Variants in ITGAM observed in about 807,000 individuals in gnomAD.
ITGAM encodes the protein integrin subunit alpha M.
In ITGAM, 79 loss-of-function variants were observed where a neutral mutation model predicts 137.5. The observed-to-expected ratio is 0.57, with a 90% confidence interval of 0.48 to 0.69. The LOEUF (loss-of-function observed/expected upper bound fraction) is 0.69. ITGAM is among the 30% of genes least tolerant of loss of function. The pLI is 0.00. For missense variants in ITGAM, 1,343 were observed against 1,483.5 expected (o/e 0.91, Z 1.56); for synonymous variants, 583 against 592.3 (o/e 0.98, Z 0.23).
At chr16:31,300,213 G>T (rs542675855) in intron 14 of ITGAM, among the ~76,000 whole-genome samples, 1 of 152,238 alleles carries the variant, frequency 6.6e-6, no homozygotes, top group East Asian at 1.9e-4. Context: ...TTCACATCCT[G>T]GCTATTGTGA....
At chr16:31,317,764 G>A (rs1204677513) in intron 14 of ITGAM, among the ~76,000 whole-genome samples, 2 of 152,128 alleles carry the variant, frequency 1.3e-5, no homozygotes, top group Non-Finnish European at 2.9e-5. Flanking sequence ...CAGGAATAAA[G>A]CCCACATGGT....
At chr16:31,296,979 C>G (rs759204410) in intron 12 of ITGAM, among the ~76,000 whole-genome samples, 113 of 152,188 alleles carry the variant, frequency 7.4e-4, no homozygotes, top group Middle Eastern at 3.4e-3. Context: ...CTTTTTACCT[C>G]CCTAAAGATT....
At chr16:31,273,640 A>G in intron 8 of ITGAM, 122 bp downstream of exon 8, 1 of 899,764 alleles carries the variant, frequency 1.1e-6, no homozygotes, top group Non-Finnish European at 1.7e-6. Context: ...TAGCTCATAT[A>G]CACCGTATCA....
chr16:31,278,718 G>A lies in ITGAM; in HGVS notation c.1356+609G>A, dbSNP rs570857310. The stretch of plus-strand genomic sequence containing the variant: ...TGAAATAGGACTGCACCCATGATAT[G>A]GTGCCTATAGTTCTTTATTTTATTT... On this transcript the variant is annotated intron_variant, in intron 12 of 29. Coordinates refer to ENST00000544665, the MANE Select transcript of ITGAM (RefSeq NM_000632.4). Among the ~76,000 whole-genome samples, 21 of 152,224 alleles carry A rather than the reference G, an allele frequency of 1.4e-4. No individual in the cohort carries two copies. In the South Asian group the frequency reaches 4.2e-3, roughly 30 times the overall value.
intron 3 of ITGAM, 147 bp from the exon 4 acceptor site, chr16:31,265,662 CCT>C (rs1470217325): frequency 3.9e-6 from 3 of 775,530 alleles, no homozygotes; most frequent in South Asian, 1.8e-5. Context: ...CCAGGCAACC[CCT>C]CTGTGTTCCT....
intron 12 of ITGAM, among the ~76,000 whole-genome samples, chr16:31,287,686 TTG>T (rs2080043105): frequency 6.6e-6 from 1 of 152,218 alleles, no homozygotes; most frequent in South Asian, 2.1e-4. Flanking sequence ...AATTAATGCA[TTG>T]TATGGGGATG....
chr16:31,266,149 TG>T lies in ITGAM; in HGVS notation c.427+5del. On this transcript the variant is annotated splice_donor_region_variant and intron_variant, in intron 5 of 29. Coordinates refer to ENST00000544665, the MANE Select transcript of ITGAM (RefSeq NM_000632.4). ...AGAAGTTCCCAGAGGCCCTCCGAGG[TG>T]GGTTGCCTTTGGCAGAGGGAACAGA... The T allele has an allele frequency of 1.2e-6, 2 of 1,608,192 alleles. No homozygotes were observed. Among genetic ancestry groups the T allele is most frequent in the South Asian group, 1.1e-5 (1 of 90,918 alleles).
intron 22 of ITGAM, 90 bp downstream of exon 22, chr16:31,327,025 G>A (rs2080515614): frequency 1.1e-6 from 1 of 948,038 alleles, no homozygotes; most frequent in Non-Finnish European, 1.7e-6. Context: ...TTGCCCACTG[G>A]TTCTCCCTTC....
chr16:31,266,024 C>T lies in ITGAM; in HGVS notation c.310-6C>T. The T allele has an allele frequency of 1.2e-6, 2 of 1,612,080 alleles. No individual in the cohort carries two copies. Among genetic ancestry groups the T allele is most frequent in the South Asian group, 1.1e-5 (1 of 91,034 alleles). On this transcript the variant is annotated splice_region_variant and splice_polypyrimidine_tract_variant and intron_variant, in intron 4 of 29. Transcript: ENST00000544665. Reference sequence around the variant, plus strand: ...GCAGCCCCTTCCACTGGCTCCTGTCCCCTAGGCCTGTGGTCCCACCGTGCA... The same window carrying T: ...GCAGCCCCTTCCACTGGCTCCTGTCTCCTAGGCCTGTGGTCCCACCGTGCA...
chr16:31,276,771 G>C (rs999506280), intron 10 of ITGAM, 27 bp downstream of exon 10: 34 of 1,591,572 alleles, frequency 2.1e-5, no homozygotes, highest in Non-Finnish European at 2.8e-5. Flanking sequence ...TAAATTGCGG[G>C]GGTGGGGCAG....
intron 12 of ITGAM, among the ~76,000 whole-genome samples, chr16:31,284,270 T>A (rs2080003246): frequency 6.6e-6 from 1 of 152,200 alleles, no homozygotes; most frequent in Non-Finnish European, 1.5e-5. Context: ...ACAGGGACAT[T>A]TAAGTCTGCA....
intron 2 of ITGAM, among the ~76,000 whole-genome samples, chr16:31,263,665 C>CTT (rs74413197): frequency 5.4e-4 from 68 of 125,854 alleles, no homozygotes; most frequent in East Asian, 1.9e-3. Context: ...ATTTTTCTTT[C>CTT]TTTTTTTTTT....
At chr16:31,329,767 C>T (rs1000278079) in intron 24 of ITGAM, 31 bp from the exon 25 acceptor site, 1 of 1,533,836 alleles carries the variant, frequency 6.5e-7, no homozygotes, top group Non-Finnish European at 8.8e-7. Flanking sequence ...GGAGGAAGGC[C>T]AGAGCCCTGA....
At position 31,270,743 on chromosome 16, in the gene ITGAM, A is replaced by ATAT. The variant is rs1475429642; in HGVS notation, c.428-210_428-209insATT. Reference sequence around the variant, plus strand: ...TATATATATATATATATATATATATATGTTTTTAACGTGTGTATACATATA... The same window carrying ATAT: ...TATATATATATATATATATATATATATATTGTTTTTAACGTGTGTATACATATA... On this transcript the variant is annotated intron_variant, in intron 5 of 29. Transcript: ENST00000544665. 1.5e-3 allele frequency among the ~76,000 whole-genome samples: 154 copies of ATAT among 106,196 alleles called. 2 individuals carry two copies. Among genetic ancestry groups the ATAT allele is most frequent in the Middle Eastern group, 4.8e-3 (1 of 208 alleles). 69.7% of individuals were successfully genotyped at this position (106,196 alleles called of 152,430 possible).
intron 14 of ITGAM, among the ~76,000 whole-genome samples, chr16:31,298,463 A>G (rs531118218): frequency 5.9e-5 from 9 of 152,176 alleles, no homozygotes; most frequent in Non-Finnish European, 1.3e-4. Context: ...TTCTACAGCA[A>G]TAGGAGGTGC....
At chr16:31,262,354 T>TCCTA (rs2079712671) in intron 2 of ITGAM, among the ~76,000 whole-genome samples, 1 of 113,396 alleles carries the variant, frequency 8.8e-6, no homozygotes, top group Non-Finnish European at 1.9e-5. Flanking sequence ...CTTCCTTCCT[T>TCCTA]CCTTCCTTCC....
In ITGAM at chr16:31,330,376, C is replaced by A. The variant is rs756051605; in HGVS notation, c.3129C>A (p.Phe1043Leu). ...DIPFFGIQEE[F>L]NATLKGNLSF... ...CGTTCTTTGGCATCCAGGAAGAATT[C>A]AATGCTACCCTCAAAGGCAACCTCT... The change falls in exon 27 of 30, where the codon TTC becomes TTA. Residue 1043 changes from phenylalanine to leucine, a missense_variant. Coordinates refer to ENST00000544665, the MANE Select transcript of ITGAM (RefSeq NM_000632.4). The A allele has an allele frequency of 1.2e-6, 2 of 1,613,998 alleles. No homozygotes were observed. Among genetic ancestry groups the A allele is most frequent in the Non-Finnish European group, 8.5e-7 (1 of 1,179,854 alleles).
Position 31,330,611 on chromosome 16 carries a change from T to C in ITGAM, c.3276+6T>C. ...GGGCGTTTGTGAGGTCCCAGGTACC[T>C]GTCTTGGGCGCTGAGGAACTATTGG... On this transcript the variant is annotated splice_donor_region_variant and intron_variant, in intron 28 of 29. Transcript: ENST00000544665. The C allele has an allele frequency of 6.3e-7, 1 of 1,590,694 alleles. No homozygotes were observed. Among genetic ancestry groups the C allele is most frequent in the Middle Eastern group, 1.7e-4 (1 of 5,952 alleles).
intron 21 of ITGAM, 93 bp from the exon 22 acceptor site, chr16:31,326,763 C>T: frequency 1.2e-6 from 1 of 867,088 alleles, no homozygotes. Context: ...CATGGATGGG[C>T]CATATTTCAT....
Sources: gnomAD v4.1 joint callset for allele counts (sites outside exome capture counted in the v4.1 genomes callset) on GRCh38, gnomAD v4.1.1 for gene constraint, MANE v1.5 for transcripts, NCBI Gene and HGNC (gene_info 2026-07-23, HGNC 2026-07-21) for gene names.